Variants in UBASH3B observed in about 807,000 individuals in gnomAD.
UBASH3B encodes ubiquitin associated and SH3 domain containing B.
UBASH3B carries 37 observed loss-of-function variants against 83.4 expected under a neutral mutation model. The observed-to-expected ratio is 0.44, with a 90% CI of 0.34 to 0.58. UBASH3B has a LOEUF of 0.58. Among genes scored for constraint, UBASH3B ranks in the 20% least tolerant of loss-of-function variants. UBASH3B has a pLI of 0.01. For synonymous variants in UBASH3B, 304 were observed against 318.3 expected, an observed-to-expected ratio of 0.96 and a Z score of 0.48; for missense variants, 657 against 827.2, an observed-to-expected ratio of 0.79 and a Z score of 2.52.
Position 122,806,403 on chromosome 11 carries a change from A to G in UBASH3B, c.1596-7A>G, listed in dbSNP as rs368388795. 4.2e-5 allele frequency: 67 copies of G among 1,597,868 alleles called. 1 individual carries two copies. Among genetic ancestry groups the G allele is most frequent in the Non-Finnish European group, 4.4e-5 (52 of 1,174,424 alleles). On this transcript the variant is annotated splice_polypyrimidine_tract_variant and splice_region_variant and intron_variant, in intron 11 of 13. Transcript: ENST00000284273. The surrounding 1 kb of genome is among the most constrained non-coding windows in gnomAD (Gnocchi z 4.0). ...TTTCATTTCCTTTGTTCATTTTTCT[A>G]TTACAGACCTCACATTCCAATCAGC...
intron 1 of UBASH3B, among the ~76,000 whole-genome samples, chr11:122,745,688 T>C (rs1484323163): frequency 2.0e-5 from 3 of 152,208 alleles, no homozygotes; most frequent in East Asian, 1.9e-4. Flanking sequence ...ATAAGCTTCA[T>C]CTCCCCTGCC....
Position 122,758,688 on chromosome 11 carries a change from T to A in UBASH3B, c.162-17531T>A, listed in dbSNP as rs974852291. Among the ~76,000 whole-genome samples the A allele has an allele frequency of 7.9e-5, 12 of 152,194 alleles. No individual in the cohort carries two copies. The highest frequency in any genetic ancestry group is 4.1e-4 in the South Asian group (2 of 4,832). ...GATTATAAGTAGATGCACCTGCCAC[T>A]CCACGCCACTCTACTCCCTCCCTTA... On this transcript the variant is annotated intron_variant, in intron 1 of 13. Transcript: ENST00000284273. This position sits in a 1 kb window ranked among gnomAD's most constrained non-coding sequence, Gnocchi z 4.2.
At chr11:122,781,449 G>A (rs1230481651) in intron 4 of UBASH3B, among the ~76,000 whole-genome samples, 2 of 152,192 alleles carry the variant, frequency 1.3e-5, no homozygotes, top group Non-Finnish European at 2.9e-5. Context: ...CTCAGCCAGG[G>A]CCGCACAGAT....
rs750788285 is a variant in UBASH3B at position 122,794,825 on chromosome 11, G to A, written c.1104G>A (p.Gln368=). The change falls in exon 7 of 14, where the codon CAG becomes CAA. Residue 368 remains glutamine (Q), a synonymous_variant. Transcript: ENST00000284273. Reference sequence around the variant, plus strand: ...CGACTCCTCTTACTATCATCTGCCAGCCCATGCAGGTAAGGCTGATTGCTA... The same window carrying A: ...CGACTCCTCTTACTATCATCTGCCAACCCATGCAGGTAAGGCTGATTGCTA... ...GETTPLTIIC[Q]PMQPLRVNSQ... 19 of 1,613,754 alleles carry A rather than the reference G, an allele frequency of 1.2e-5. No individual in the cohort carries two copies. The highest frequency in any genetic ancestry group is 1.6e-5 in the Non-Finnish European group (19 of 1,179,974).
At chr11:122,701,622 C>A (rs1184822913) in intron 1 of UBASH3B, among the ~76,000 whole-genome samples, 1 of 152,084 alleles carries the variant, frequency 6.6e-6, no homozygotes, top group East Asian at 1.9e-4. Context: ...GCATACGGTC[C>A]TGTAGCATCA....
At chr11:122,719,162 A>G (rs1860581051) in intron 1 of UBASH3B, among the ~76,000 whole-genome samples, 2 of 152,362 alleles carry the variant, frequency 1.3e-5, no homozygotes, top group Admixed American at 6.5e-5. Context: ...TGGATTAACT[A>G]ACACGCTGAG....
At chr11:122,777,253 G>T in intron 3 of UBASH3B, 43 bp downstream of exon 3, 2 of 1,567,118 alleles carry the variant, frequency 1.3e-6, no homozygotes, top group Non-Finnish European at 1.7e-6. Flanking sequence ...TGGCTCCTAG[G>T]ATCCCAGCCG....
In UBASH3B at chr11:122,789,320, C is replaced by A. The variant is rs1861011636; in HGVS notation, c.980+12C>A. On this transcript the variant is annotated intron_variant, in intron 6 of 13. Transcript: ENST00000284273. ...TGGATATTTCATGGGTAAGCAGACA[C>A]AAAGACCTTTATGCCATTTGAAGAA... The A allele has an allele frequency of 6.2e-7, 1 of 1,613,800 alleles. No individual in the cohort carries two copies. The highest frequency in any genetic ancestry group is 8.5e-7 in the Non-Finnish European group (1 of 1,179,806).
intron 1 of UBASH3B, among the ~76,000 whole-genome samples, chr11:122,765,301 G>T (rs1372996815): frequency 6.6e-6 from 1 of 152,196 alleles, no homozygotes. Context: ...GGCACCAAGG[G>T]TCTGGAGTAG....
intron 13 of UBASH3B, among the ~76,000 whole-genome samples, chr11:122,809,447 C>T (rs1450451396): frequency 6.6e-6 from 1 of 152,168 alleles, no homozygotes; most frequent in Admixed American, 6.6e-5. Context: ...TATTTTGGTC[C>T]TCTTTTTCTG....
chr11:122,766,405 C>T (rs1860537964), intron 1 of UBASH3B, among the ~76,000 whole-genome samples: 1 of 152,146 alleles, frequency 6.6e-6, no homozygotes, highest in South Asian at 2.1e-4. Context: ...ATTAGCCAGG[C>T]GAGGTAGCGG....
At chr11:122,752,089 A>G (rs1861208415) in intron 1 of UBASH3B, among the ~76,000 whole-genome samples, 2 of 152,230 alleles carry the variant, frequency 1.3e-5, no homozygotes, top group Non-Finnish European at 2.9e-5. Flanking sequence ...AAGGAATAGT[A>G]TAGTCTACCT....
intron 1 of UBASH3B, among the ~76,000 whole-genome samples, chr11:122,697,512 G>T (rs1195866102): frequency 6.6e-6 from 1 of 152,184 alleles, no homozygotes; most frequent in Admixed American, 6.6e-5. Context: ...AGATTAAAGT[G>T]AACATTAATG....
intron 1 of UBASH3B, among the ~76,000 whole-genome samples, chr11:122,685,527 CTATTAT>C (rs1863798211): frequency 6.6e-6 from 1 of 151,964 alleles, no homozygotes; most frequent in African/African-American, 2.4e-5. Context: ...TTCTTTTTTA[CTATTAT>C]TATTTTTTTG....
chr11:122,755,905 G>A (rs1174718914), intron 1 of UBASH3B, among the ~76,000 whole-genome samples: 1 of 151,912 alleles, frequency 6.6e-6, no homozygotes. Flanking sequence ...CTGTTTCCTG[G>A]GGCTTAGAGC....
intron 1 of UBASH3B, among the ~76,000 whole-genome samples, chr11:122,667,646 T>G (rs1466733047): frequency 6.6e-6 from 1 of 152,128 alleles, no homozygotes; most frequent in East Asian, 1.9e-4. Context: ...GCAATACTCT[T>G]CAGTTTGAGA....
At chr11:122,700,849 G>A (rs1864033002) in intron 1 of UBASH3B, among the ~76,000 whole-genome samples, 1 of 152,134 alleles carries the variant, frequency 6.6e-6, no homozygotes, top group Admixed American at 6.6e-5. Context: ...GAGGAAGTGT[G>A]TTTCTGACAG....
At chr11:122,702,917 C>T (rs1864062421) in intron 1 of UBASH3B, among the ~76,000 whole-genome samples, 1 of 152,136 alleles carries the variant, frequency 6.6e-6, no homozygotes, top group African/African-American at 2.4e-5. Flanking sequence ...TGCTATAAAA[C>T]TTACTACTAA....
chr11:122,767,455 C>T (rs190620109), intron 1 of UBASH3B, among the ~76,000 whole-genome samples: 60 of 152,142 alleles, frequency 3.9e-4, no homozygotes, highest in African/African-American at 1.4e-3. Context: ...GGACTACAGG[C>T]ATGTGCCACC....
Sources: allele counts gnomAD v4.1 joint callset (sites outside exome capture counted in the v4.1 genomes callset), GRCh38; gene constraint gnomAD v4.1.1; non-coding constraint Gnocchi (gnomAD v3.1); transcripts MANE v1.5; gene names NCBI Gene and HGNC (gene_info 2026-07-23, HGNC 2026-07-21).